Variants in PTPRD observed in about 807,000 individuals in gnomAD.
PTPRD encodes the protein protein tyrosine phosphatase receptor type D.
In PTPRD, 34 loss-of-function variants were observed where a neutral mutation model predicts 214.5. That is an observed-to-expected ratio of 0.16 (90% confidence interval 0.12 to 0.21). The LOEUF is 0.21. PTPRD is among the 10% of genes least tolerant of loss of function. The pLI, the probability that PTPRD is intolerant of heterozygous loss-of-function variation, is 1.00. For missense variants in PTPRD, 2,545 were observed against 2,398.7 expected (o/e 1.06, Z -1.27); for synonymous variants, 1,128 against 845.7 (o/e 1.33, Z -5.79).
At chr9:8,595,051 G>A (rs985669739) in intron 14 of PTPRD, among the ~76,000 whole-genome samples, 1 of 151,414 alleles carries the variant, frequency 6.6e-6, no homozygotes, top group African/African-American at 2.4e-5. Flanking sequence ...TTTTAGTAGA[G>A]ACGTGGTTTC....
chr9:10,292,917 A>G (rs1007326746), intron 3 of PTPRD, among the ~76,000 whole-genome samples: 1 of 151,960 alleles, frequency 6.6e-6, no homozygotes, highest in African/African-American at 2.4e-5. Flanking sequence ...TACATAAAAG[A>G]ATAAGTCACT....
intron 2 of PTPRD, among the ~76,000 whole-genome samples, chr9:10,349,819 C>G (rs1017883423): frequency 2.0e-5 from 3 of 152,212 alleles, no homozygotes; most frequent in African/African-American, 7.2e-5. Context: ...TGCCACCATC[C>G]CCAGCTAATT....
chr9:8,496,313 C>G (rs1260980420), intron 26 of PTPRD, among the ~76,000 whole-genome samples: 1 of 152,214 alleles, frequency 6.6e-6, no homozygotes, highest in East Asian at 1.9e-4. Flanking sequence ...GGACCACTGT[C>G]TCTGAATTCA....
intron 9 of PTPRD, among the ~76,000 whole-genome samples, chr9:9,201,094 GA>G (rs2099941572): frequency 6.6e-6 from 1 of 152,130 alleles, no homozygotes; most frequent in Admixed American, 6.6e-5. Context: ...ATCTTATCAT[GA>G]AAAGTGGTTT....
intron 5 of PTPRD, among the ~76,000 whole-genome samples, chr9:9,777,152 ACT>A (rs759706858): frequency 2.0e-4 from 30 of 152,120 alleles, no homozygotes; most frequent in Admixed American, 6.5e-4. Flanking sequence ...AATTAGAAAC[ACT>A]CTTACCTCTG....
At chr9:8,719,646 G>T (rs2098471146) in intron 12 of PTPRD, among the ~76,000 whole-genome samples, 1 of 152,056 alleles carries the variant, frequency 6.6e-6, no homozygotes, top group Non-Finnish European at 1.5e-5. Context: ...TTTTGTATTG[G>T]CTGTGGCTAC....
chr9:9,425,623 G>A (rs2080566600), intron 8 of PTPRD, among the ~76,000 whole-genome samples: 1 of 151,446 alleles, frequency 6.6e-6, no homozygotes, highest in Non-Finnish European at 1.5e-5. Flanking sequence ...CACAGGTACA[G>A]AGAAAAGAGT....
At chr9:10,356,873 G>A (rs1268858319) in intron 2 of PTPRD, among the ~76,000 whole-genome samples, 1 of 151,690 alleles carries the variant, frequency 6.6e-6, no homozygotes, top group Non-Finnish European at 1.5e-5. Context: ...AGAGACGGGG[G>A]TTTCACCATG....
intron 12 of PTPRD, among the ~76,000 whole-genome samples, chr9:8,637,119 T>C (rs186069273): frequency 2.0e-5 from 3 of 152,254 alleles, no homozygotes; most frequent in Admixed American, 2.0e-4. Flanking sequence ...AAAAGCAACA[T>C]CACACATTAA....
At chr9:8,947,465 A>G (rs77987265) in intron 11 of PTPRD, among the ~76,000 whole-genome samples, 3 of 148,458 alleles carry the variant, frequency 2.0e-5, no homozygotes, top group Non-Finnish European at 4.5e-5. Flanking sequence ...TCTGTCTCAA[A>G]AAAAAAAAAA....
intron 12 of PTPRD, among the ~76,000 whole-genome samples, chr9:8,642,930 C>T (rs1019939465): frequency 1.3e-5 from 2 of 151,852 alleles, no homozygotes; most frequent in Non-Finnish European, 2.9e-5. Flanking sequence ...TGTATCATTG[C>T]TTAGGAGGGC....
rs182000429 is a variant in PTPRD at position 10,480,851 on chromosome 9, T to C, written c.-600+131547A>G. On this transcript the variant is annotated intron_variant, in intron 2 of 45. Coordinates refer to ENST00000381196, the MANE Select transcript of PTPRD (RefSeq NM_002839.4). ...ACTTATTCAATATTTCCACAACTTA[T>C]TTAAATGCTAGGGAAATTATCCTAC... 4.3e-4 allele frequency among the ~76,000 whole-genome samples: 66 copies of C among 152,262 alleles called. 1 individual carries two copies. Among genetic ancestry groups the C allele is most frequent in the African/African-American group, 1.4e-3 (58 of 41,564 alleles).
At chr9:10,479,149 C>A (rs936793709) in intron 2 of PTPRD, among the ~76,000 whole-genome samples, 1 of 152,040 alleles carries the variant, frequency 6.6e-6, no homozygotes, top group Non-Finnish European at 1.5e-5. Context: ...ATACTAAATT[C>A]TATACTCGTA....
intron 35 of PTPRD, among the ~76,000 whole-genome samples, chr9:8,427,293 C>A (rs1297655374): frequency 6.6e-6 from 1 of 152,170 alleles, no homozygotes; most frequent in Non-Finnish European, 1.5e-5. Flanking sequence ...TAAGGCTTCA[C>A]TGCTGATAGA....
chr9:10,457,246 G>T (rs987916352), intron 2 of PTPRD, among the ~76,000 whole-genome samples: 1 of 151,764 alleles, frequency 6.6e-6, no homozygotes, highest in Non-Finnish European at 1.5e-5. Context: ...ATTTTTATAT[G>T]TGTATATACC....
chr9:10,467,543 A>G (rs935744628), intron 2 of PTPRD, among the ~76,000 whole-genome samples: 2 of 152,138 alleles, frequency 1.3e-5, no homozygotes, highest in African/African-American at 4.8e-5. Context: ...CATGCACACA[A>G]ATTTATTACT....
At chr9:8,681,352 GA>G (rs887915311) in intron 12 of PTPRD, among the ~76,000 whole-genome samples, 7 of 150,626 alleles carry the variant, frequency 4.6e-5, no homozygotes, top group South Asian at 2.1e-4. Context: ...AGCTAGCGAA[GA>G]AAAAAAAAGA....
chr9:10,273,364 T>C (rs1374979994), intron 3 of PTPRD, among the ~76,000 whole-genome samples: 3 of 152,110 alleles, frequency 2.0e-5, no homozygotes, highest in Non-Finnish European at 4.4e-5. Flanking sequence ...AATATATTTT[T>C]CCAAGCCTAT....
At chr9:9,479,556 T>C (rs1589464105) in intron 8 of PTPRD, among the ~76,000 whole-genome samples, 1 of 152,240 alleles carries the variant, frequency 6.6e-6, no homozygotes, top group South Asian at 2.1e-4. Flanking sequence ...AACAAGTCAT[T>C]GGATTTAATT....
Sources: gnomAD v4.1 joint callset for allele counts (sites outside exome capture counted in the v4.1 genomes callset) on GRCh38, gnomAD v4.1.1 for gene constraint, MANE v1.5 for transcripts, NCBI Gene and HGNC (gene_info 2026-07-23, HGNC 2026-07-21) for gene names.